Variants in NFIA observed in about 807,000 individuals in gnomAD.
NFIA encodes nuclear factor 1 A-type.
Under a neutral mutation model 62.8 loss-of-function variants are expected in NFIA, and 8 were observed. That is an observed-to-expected ratio of 0.13 (90% CI 0.07 to 0.23). The LOEUF is 0.23. Among genes scored for constraint, NFIA ranks in the 10% least tolerant of loss-of-function variants. The pLI is 1.00. For missense variants in NFIA, 410 were observed against 642.1 expected (o/e 0.64, Z 3.91); for synonymous variants, 235 against 238.1 (o/e 0.99, Z 0.12).
intron 7 of NFIA, among the ~76,000 whole-genome samples, chr1:61,386,265 G>T (rs990500866): frequency 6.6e-6 from 1 of 152,114 alleles, no homozygotes; most frequent in Non-Finnish European, 1.5e-5. Context: ...TGGAATCGAT[G>T]TCACATGTGC....
intron 4 of NFIA, among the ~76,000 whole-genome samples, chr1:61,349,225 C>G (rs1057507371): frequency 6.6e-6 from 1 of 152,046 alleles, no homozygotes; most frequent in Non-Finnish European, 1.5e-5. Context: ...ATTGTCAAGC[C>G]TCACCGTTTT....
chr1:61,452,125 G>T (rs74404826), intron 10 of NFIA, among the ~76,000 whole-genome samples: 3,854 of 152,182 alleles, frequency 0.025, 171 homozygotes, highest in African/African-American at 0.088. Context: ...TGTCCATCTG[G>T]TGTTACTAGC....
chr1:61,138,834 G>A (rs576180796), intron 2 of NFIA, among the ~76,000 whole-genome samples: 4 of 150,872 alleles, frequency 2.7e-5, no homozygotes, highest in South Asian at 2.1e-4. Context: ...CGCCCACCTC[G>A]GCCTCCCAAA....
chr1:61,115,440 C>CA (rs1464976755), intron 2 of NFIA, among the ~76,000 whole-genome samples: 1 of 152,190 alleles, frequency 6.6e-6, no homozygotes. Flanking sequence ...ACATAGACTA[C>CA]AAGGGATTTA....
intron 3 of NFIA, among the ~76,000 whole-genome samples, chr1:61,325,778 C>T (rs1388192540): frequency 1.3e-5 from 2 of 151,850 alleles, no homozygotes; most frequent in Non-Finnish European, 2.9e-5. Flanking sequence ...ATTAGCAGGG[C>T]GTGGTGGCAG....
intron 4 of NFIA, among the ~76,000 whole-genome samples, chr1:61,351,049 C>T (rs1242185618): frequency 6.6e-6 from 1 of 152,176 alleles, no homozygotes; most frequent in African/African-American, 2.4e-5. Context: ...TAGCCATACA[C>T]TTATTCTGTT....
intron 2 of NFIA, among the ~76,000 whole-genome samples, chr1:61,188,936 G>A (rs1238296971): frequency 2.0e-5 from 3 of 152,144 alleles, no homozygotes; most frequent in Non-Finnish European, 4.4e-5. Flanking sequence ...GTAAAATAAG[G>A]ATAGTAGTAT....
chr1:61,119,947 G>A (rs1251635420), intron 2 of NFIA, among the ~76,000 whole-genome samples: 3 of 152,174 alleles, frequency 2.0e-5, no homozygotes, highest in Non-Finnish European at 4.4e-5. Flanking sequence ...GAAGGAAGAA[G>A]TTTGCATATT....
chr1:61,455,628 G>A lies in NFIA; in HGVS notation c.*308G>A, dbSNP rs1441522421. The A allele has an allele frequency of 1.3e-5, 6 of 445,512 alleles. No individual in the cohort carries two copies. Among genetic ancestry groups the A allele is most frequent in the East Asian group, 7.5e-5 (2 of 26,496 alleles). The allele number at this position is 445,512 out of a possible 1,614,324, so 27.6% of individuals were successfully genotyped here. Reference sequence around the variant, plus strand: ...CATGGTAGCGTGAGCATTAGGTGACGTGGCTAGCGGAGGACTACCCTTGCT... The same window carrying A: ...CATGGTAGCGTGAGCATTAGGTGACATGGCTAGCGGAGGACTACCCTTGCT... On this transcript the variant is annotated 3_prime_UTR_variant, in exon 11 of 11. Transcript: ENST00000403491.
intron 1 of NFIA, among the ~76,000 whole-genome samples, chr1:61,086,395 AAT>A (rs1646219407): frequency 6.6e-6 from 1 of 152,178 alleles, no homozygotes; most frequent in South Asian, 2.1e-4. Flanking sequence ...AAAGTATGAG[AAT>A]AAGAAATATT....
chr1:61,342,191 CTAT>C (rs1661958368), intron 4 of NFIA, among the ~76,000 whole-genome samples: 1 of 149,514 alleles, frequency 6.7e-6, no homozygotes, highest in African/African-American at 2.6e-5. Flanking sequence ...ATATTGAAAA[CTAT>C]TTTTTTTTTT....
chr1:61,388,397 G>A (rs773743758), intron 7 of NFIA, among the ~76,000 whole-genome samples: 48 of 152,188 alleles, frequency 3.2e-4, no homozygotes, highest in South Asian at 1.2e-3. Flanking sequence ...TCATCCCTTT[G>A]CCTTTTCAAG....
intron 2 of NFIA, among the ~76,000 whole-genome samples, chr1:61,137,926 CTT>C (rs927116339): frequency 7.4e-5 from 11 of 148,550 alleles, no homozygotes; most frequent in African/African-American, 2.7e-4. Context: ...AGCACATTTT[CTT>C]TCTCTCTCTC....
At chr1:61,254,754 G>A (rs1279906399) in intron 2 of NFIA, among the ~76,000 whole-genome samples, 2 of 152,134 alleles carry the variant, frequency 1.3e-5, no homozygotes, top group African/African-American at 4.8e-5. Flanking sequence ...CTCCCAAACG[G>A]CAGATATCTG....
chr1:61,433,046 A>G (rs1399933800), intron 10 of NFIA, among the ~76,000 whole-genome samples: 1 of 152,168 alleles, frequency 6.6e-6, no homozygotes. Context: ...ACAAATACTT[A>G]TCTGCATCCC....
At position 61,088,574 on chromosome 1, in the gene NFIA, A is replaced by G. The variant is rs1462820540; in HGVS notation, c.453A>G (p.Val151=). ...PLESTDGERL[V]KSPQCSNPGL... The stretch of plus-strand genomic sequence containing the variant: ...AAAGTACTGATGGCGAGCGCCTTGT[A>G]AAGTCCCCACAATGCTCTAATCCAG... The change falls in exon 2 of 11, where the codon GTA becomes GTG. Residue 151 remains valine (V), a synonymous_variant. Transcript: ENST00000403491. This position sits in a 1 kb window ranked among gnomAD's most constrained non-coding sequence, Gnocchi z 4.5. 1 of 1,614,166 alleles carries G rather than the reference A, an allele frequency of 6.2e-7. No homozygotes were observed. Among genetic ancestry groups the G allele is most frequent in the Non-Finnish European group, 8.5e-7 (1 of 1,180,020 alleles).
At chr1:61,292,932 T>A (rs1162737177) in intron 3 of NFIA, among the ~76,000 whole-genome samples, 1 of 152,198 alleles carries the variant, frequency 6.6e-6, no homozygotes, top group Non-Finnish European at 1.5e-5. Context: ...AGTCGTGCAA[T>A]GCTCTTTTCC....
upstream of NFIA, chr1:61,082,132 A>G (rs1646105349): frequency 3.9e-6 from 4 of 1,018,942 alleles, no homozygotes; most frequent in Admixed American, 2.6e-5. Flanking sequence ...GTGGCAGCCT[A>G]TAGCTGCCCG....
chr1:61,360,365 A>G (rs1212149587), intron 6 of NFIA, among the ~76,000 whole-genome samples: 2 of 152,230 alleles, frequency 1.3e-5, no homozygotes, highest in African/African-American at 4.8e-5. Flanking sequence ...TGGAGTGCCA[A>G]CCTGGCTTCA....
Sources: allele counts gnomAD v4.1 joint callset (sites outside exome capture counted in the v4.1 genomes callset), GRCh38; gene constraint gnomAD v4.1.1; non-coding constraint Gnocchi (gnomAD v3.1); transcripts MANE v1.5; gene names NCBI Gene and HGNC (gene_info 2026-07-23, HGNC 2026-07-21).